STXBP5: variants seen among roughly 807,000 people sequenced by gnomAD.
STXBP5 encodes syntaxin binding protein 5.
STXBP5 carries 50 observed loss-of-function variants against 152.4 expected under a neutral mutation model. The ratio of observed to expected loss-of-function variants is 0.33; its 90% confidence interval spans 0.26 to 0.42. STXBP5 has a LOEUF of 0.42. Among genes scored for constraint, STXBP5 ranks in the 10% least tolerant of loss-of-function variants. The pLI is 1.00. For synonymous variants in STXBP5, 492 were observed against 494.7 expected (o/e 0.99, Z 0.07); for missense variants, 1,167 against 1,388.6 (o/e 0.84, Z 2.54).
chr6:147,320,781 T>TA (rs776263398), intron 16 of STXBP5, among the ~76,000 whole-genome samples: 2 of 152,288 alleles, frequency 1.3e-5, no homozygotes, highest in Non-Finnish European at 2.9e-5. Context: ...CAAATCATAG[T>TA]AAAAAATATC....
chr6:147,210,844 T>C (rs974095796), intron 2 of STXBP5, among the ~76,000 whole-genome samples: 8 of 152,196 alleles, frequency 5.3e-5, no homozygotes, highest in African/African-American at 1.9e-4. Context: ...ACATGATTAT[T>C]ATTAATATGA....
intron 2 of STXBP5, among the ~76,000 whole-genome samples, chr6:147,221,508 T>A (rs1777459477): frequency 6.6e-6 from 1 of 152,090 alleles, no homozygotes; most frequent in Non-Finnish European, 1.5e-5. Flanking sequence ...TTCTTCAGTT[T>A]TGAAGGCTAA....
intron 16 of STXBP5, among the ~76,000 whole-genome samples, chr6:147,317,618 G>T (rs1042989865): frequency 6.6e-6 from 1 of 152,126 alleles, no homozygotes; most frequent in Non-Finnish European, 1.5e-5. Context: ...GAGAACCTCT[G>T]ATCCAAACAG....
chr6:147,347,325 A>G (rs998858474), intron 21 of STXBP5, among the ~76,000 whole-genome samples: 1 of 152,224 alleles, frequency 6.6e-6, no homozygotes, highest in Non-Finnish European at 1.5e-5. Context: ...TCAAGTATGA[A>G]GACAATAGGC....
chr6:147,381,904 C>G (rs896621816), intron 26 of STXBP5, among the ~76,000 whole-genome samples: 3 of 152,144 alleles, frequency 2.0e-5, no homozygotes, highest in African/African-American at 4.8e-5. Flanking sequence ...TGACTGCTAA[C>G]AGGCATGGAG....
intron 11 of STXBP5, among the ~76,000 whole-genome samples, chr6:147,312,483 C>T (rs1303491874): frequency 1.3e-5 from 2 of 152,124 alleles, no homozygotes; most frequent in African/African-American, 2.4e-5. Context: ...CCCCGCCCTT[C>T]TCCCACCCAG....
In STXBP5 at chr6:147,390,107, T is replaced by A. The variant is rs1171211880; in HGVS notation, c.*5352T>A. The A allele has an allele frequency of 6.6e-6, 1 of 151,988 alleles. No homozygotes were observed. Among genetic ancestry groups the A allele is most frequent in the African/African-American group, 2.4e-5 (1 of 41,432 alleles). 9.4% of individuals were successfully genotyped at this position (151,988 alleles called of 1,614,324 possible). On this transcript the variant is annotated 3_prime_UTR_variant, in exon 28 of 28. Coordinates refer to ENST00000321680, the MANE Select transcript of STXBP5 (RefSeq NM_001127715.4). ...CAGTTGCTGCACTTTTTATTTAATC[T>A]TGCTCAGTCCCAGTAACTATCTCAA...
Position 147,363,650 on chromosome 6 carries a change from GTA to G in STXBP5, c.2862_2863del (p.Ser954ArgfsTer18). 1 of 1,614,048 alleles carries G rather than the reference GTA, an allele frequency of 6.2e-7. No homozygotes were observed. ...CTTCGTGGAGATATTGTAGCATTGA[GTA>G]ACAGTATCTGCCTTGCCTGTTTCTG... On this transcript the variant is annotated frameshift_variant, in exon 24 of 28. Coordinates refer to ENST00000321680, the MANE Select transcript of STXBP5 (RefSeq NM_001127715.4). LOFTEE classifies it high-confidence loss of function.
chr6:147,293,754 T>C (rs541791167), intron 9 of STXBP5, among the ~76,000 whole-genome samples: 1 of 152,324 alleles, frequency 6.6e-6, no homozygotes, highest in Non-Finnish European at 1.5e-5. Context: ...TCCAATAATA[T>C]ACTCTCAAAA....
chr6:147,256,848 T>C (rs1779393804), intron 4 of STXBP5, among the ~76,000 whole-genome samples: 2 of 152,186 alleles, frequency 1.3e-5, no homozygotes, highest in Non-Finnish European at 1.5e-5. Context: ...GCTGAGAATA[T>C]AAATGTGATG....
At chr6:147,296,335 G>A (rs138057389) in intron 9 of STXBP5, among the ~76,000 whole-genome samples, 4 of 152,200 alleles carry the variant, frequency 2.6e-5, no homozygotes, top group Non-Finnish European at 4.4e-5. Flanking sequence ...TGCCACAGAC[G>A]TCTACAACCT....
At chr6:147,329,863 A>G (rs1050690767) in intron 18 of STXBP5, among the ~76,000 whole-genome samples, 35 of 151,814 alleles carry the variant, frequency 2.3e-4, no homozygotes, top group African/African-American at 8.0e-4. Context: ...TCCTGACCTC[A>G]TGATCCGCCC....
chr6:147,253,297 TGGAACGTATCTCAAAA>T (rs1437941344), intron 4 of STXBP5, among the ~76,000 whole-genome samples: 2 of 152,176 alleles, frequency 1.3e-5, no homozygotes, highest in Non-Finnish European at 2.9e-5. Context: ...TAGGTGTCGA[TGGAACGTATCTCAAAA>T]TAATGGCTAT....
At chr6:147,295,962 C>T (rs1781499672) in intron 9 of STXBP5, among the ~76,000 whole-genome samples, 2 of 152,160 alleles carry the variant, frequency 1.3e-5, no homozygotes, top group Non-Finnish European at 2.9e-5. Context: ...TTCCACCATG[C>T]TCACATGGGT....
At chr6:147,245,075 C>G (rs998574977) in intron 4 of STXBP5, among the ~76,000 whole-genome samples, 7 of 140,292 alleles carry the variant, frequency 5.0e-5, no homozygotes, top group African/African-American at 1.9e-4. Context: ...TCACTGCAAT[C>G]TCTGCCTCCT....
rs140055929 is a variant in STXBP5 at position 147,303,610 on chromosome 6, G to T, written c.918-6474G>T. Among the ~76,000 whole-genome samples the T allele has an allele frequency of 4.3e-3, 658 of 152,316 alleles. 3 individuals carry two copies. The highest frequency in any genetic ancestry group is 0.015 in the African/African-American group (628 of 41,562). On this transcript the variant is annotated intron_variant, in intron 9 of 27. Coordinates refer to ENST00000321680, the MANE Select transcript of STXBP5 (RefSeq NM_001127715.4). The stretch of plus-strand genomic sequence containing the variant: ...GGAACTGGGTAACACGCAGAAGTTG[G>T]AACAGTTTGGAGGGTTCGGAAGAAG...
intron 23 of STXBP5, among the ~76,000 whole-genome samples, chr6:147,362,843 A>G (rs73586367): frequency 1.1e-3 from 172 of 152,312 alleles, no homozygotes; most frequent in African/African-American, 4.0e-3. Context: ...TTGGAGTGCT[A>G]AAGTCTTCAG....
At chr6:147,253,252 T>G (rs180905178) in intron 4 of STXBP5, among the ~76,000 whole-genome samples, 4 of 152,230 alleles carry the variant, frequency 2.6e-5, no homozygotes, top group Non-Finnish European at 5.9e-5. Context: ...TCAACAAAAT[T>G]CAACACCCCT....
Position 147,385,097 on chromosome 6 carries a change from G to T in STXBP5, c.*342G>T, listed in dbSNP as rs577891606. 40 of 247,872 alleles carry T rather than the reference G, an allele frequency of 1.6e-4. No homozygotes were observed. The highest frequency in any genetic ancestry group is 8.2e-4 in the African/African-American group (36 of 43,736). 15.4% of individuals were successfully genotyped at this position (247,872 alleles called of 1,614,324 possible). On this transcript the variant is annotated 3_prime_UTR_variant, in exon 28 of 28. Coordinates refer to ENST00000321680, the MANE Select transcript of STXBP5 (RefSeq NM_001127715.4). ...TATTAAACTTTCATATGCCAAAAGG[G>T]TTTGTGCCGTTTTATCTGCCATCAG...
Sources: gnomAD v4.1 joint callset for allele counts (sites outside exome capture counted in the v4.1 genomes callset) on GRCh38, gnomAD v4.1.1 for gene constraint, MANE v1.5 for transcripts, NCBI Gene and HGNC (gene_info 2026-07-23, HGNC 2026-07-21) for gene names.